Variants in ABCD2 observed in about 807,000 individuals in gnomAD.
ABCD2 encodes ATP binding cassette subfamily D member 2, also known as ATP-binding cassette sub-family D member 2.
A neutral mutation model predicts 70.9 loss-of-function variants in ABCD2; 36 were observed. The observed-to-expected ratio is 0.51, with a 90% CI of 0.39 to 0.67. ABCD2 has a LOEUF of 0.67. ABCD2 is among the 30% of genes least tolerant of loss of function. The probability of loss-of-function intolerance (pLI) is 0.00; values close to 1 mark genes in which losing one functional copy is unlikely to be tolerated. For missense variants in ABCD2, 729 were observed against 890.2 expected, an observed-to-expected ratio of 0.82 and a Z score of 2.30; for synonymous variants, 304 against 306.9, an observed-to-expected ratio of 0.99 and a Z score of 0.10.
chr12:39,608,197 TGAAAA>T (rs1418951215), intron 2 of ABCD2, among the ~76,000 whole-genome samples: 2 of 150,692 alleles, frequency 1.3e-5, no homozygotes, highest in African/African-American at 4.9e-5. Flanking sequence ...AAAAAAGAAA[TGAAAA>T]GAAGAGAGAG....
intron 6 of ABCD2, among the ~76,000 whole-genome samples, chr12:39,589,326 T>C (rs1941710242): frequency 6.6e-6 from 1 of 151,836 alleles, no homozygotes; most frequent in Non-Finnish European, 1.5e-5. Flanking sequence ...CATGTGTATG[T>C]TCATATAAGA....
chr12:39,541,573 T>C, the ABCD2 span, among the ~76,000 whole-genome samples: 1 of 152,188 alleles, frequency 6.6e-6, no homozygotes, highest in African/African-American at 2.4e-5. Context: ...CCAAGAGTTA[T>C]GAAAAGTAAT....
chr12:39,594,380 A>G (rs924172072), intron 6 of ABCD2, among the ~76,000 whole-genome samples: 1 of 152,182 alleles, frequency 6.6e-6, no homozygotes, highest in South Asian at 2.1e-4. Context: ...GCACACACTA[A>G]TTGTTTGACA....
chr12:39,589,036 TC>T (rs1230204346), intron 6 of ABCD2, among the ~76,000 whole-genome samples: 2 of 152,148 alleles, frequency 1.3e-5, no homozygotes, highest in Non-Finnish European at 2.9e-5. Context: ...TAAGAGAATA[TC>T]CCTGTTCTTT....
intron 4 of ABCD2, 58 bp from the exon 5 acceptor site, chr12:39,604,064 C>T (rs1345691235): frequency 1.1e-5 from 13 of 1,235,096 alleles, no homozygotes; most frequent in Middle Eastern, 2.1e-4. Flanking sequence ...GATTAAATAA[C>T]GTAAATTATT....
rs533822990 is a variant in ABCD2 at position 39,563,383 on chromosome 12, C to T, written c.2004-9252G>A. On this transcript the variant is annotated intron_variant, in intron 9 of 9. Coordinates refer to ENST00000308666, the MANE Select transcript of ABCD2 (RefSeq NM_005164.4). Reference sequence around the variant, plus strand: ...GTCCAGCCTGGGTGACAGAGTGAGACCCTGACTCTAAACAAACAAACAAAC... The same window carrying T: ...GTCCAGCCTGGGTGACAGAGTGAGATCCTGACTCTAAACAAACAAACAAAC... Among the ~76,000 whole-genome samples, 99 of 152,132 alleles carry T rather than the reference C, an allele frequency of 6.5e-4. 1 individual carries two copies. The highest frequency in any genetic ancestry group is 2.2e-3 in the African/African-American group (90 of 41,508).
At chr12:39,585,952 AC>A (rs1941659179) in intron 7 of ABCD2, among the ~76,000 whole-genome samples, 199 bp downstream of exon 7, 1 of 152,182 alleles carries the variant, frequency 6.6e-6, no homozygotes, top group African/African-American at 2.4e-5. Context: ...CTTAATAAAA[AC>A]TTAGTGTGTT....
Position 39,619,009 on chromosome 12 carries a change from G to C in ABCD2, c.607C>G (p.Leu203Val), listed in dbSNP as rs1942155147. 4 of 1,614,106 alleles carry C rather than the reference G, an allele frequency of 2.5e-6. No homozygotes were observed. Among genetic ancestry groups the C allele is most frequent in the African/African-American group, 1.3e-5 (1 of 74,930 alleles). The change falls in exon 1 of 10, where the codon CTG (leucine) becomes GTG (valine). Residue 203 changes from leucine to valine, a missense_variant. Physicochemically the swap from Leu to Val is conservative, Grantham distance 32 (BLOSUM62 1). This residue lies in a region of ABCD2 where 245 missense variants were observed against 261.2 expected (regional missense o/e 0.94). Transcript: ENST00000308666. ...YYKVINMDGR[L>V]ANPDQSLTED... ...GTAAGAGATTGGTCAGGGTTTGCCA[G>C]CCTCCCATCCATATTGATCACTTTA...
At chr12:39,582,449 G>A (rs1233823645) in intron 7 of ABCD2, among the ~76,000 whole-genome samples, 1 of 152,116 alleles carries the variant, frequency 6.6e-6, no homozygotes, top group Non-Finnish European at 1.5e-5. Flanking sequence ...TAACAATTAC[G>A]ATTACATTTT....
At chr12:39,605,917 C>T (rs1194696768) in intron 3 of ABCD2, among the ~76,000 whole-genome samples, 2 of 152,136 alleles carry the variant, frequency 1.3e-5, no homozygotes, top group African/African-American at 4.8e-5. Flanking sequence ...TAAAAGCCTT[C>T]TGAAACACAT....
At chr12:39,579,680 A>T (rs1034759797) in intron 7 of ABCD2, 61 bp from the exon 8 acceptor site, 4 of 1,312,102 alleles carry the variant, frequency 3.0e-6, no homozygotes, top group South Asian at 2.6e-5. Context: ...TACTATTTCT[A>T]CCCTAGACAA....
chr12:39,600,848 A>T (rs577287879), intron 5 of ABCD2, 132 bp from the exon 6 acceptor site: 67 of 766,930 alleles, frequency 8.7e-5, no homozygotes, highest in Non-Finnish European at 1.2e-4. Flanking sequence ...TCAAGGAAAA[A>T]TATTTCAGGG....
At chr12:39,562,670 A>C (rs1941278134) in intron 9 of ABCD2, among the ~76,000 whole-genome samples, 1 of 152,174 alleles carries the variant, frequency 6.6e-6, no homozygotes, top group Non-Finnish European at 1.5e-5. Flanking sequence ...ATAACAAATA[A>C]GGAAATGGAA....
At chr12:39,617,223 CTT>C (rs66517223) in intron 1 of ABCD2, 55 bp from the exon 2 acceptor site, 7,901 of 901,348 alleles carry the variant, frequency 8.8e-3, no homozygotes, top group Non-Finnish European at 9.5e-3. Flanking sequence ...ACATATTATT[CTT>C]TTTTTTTTTT....
intron 6 of ABCD2, among the ~76,000 whole-genome samples, chr12:39,588,291 AC>A (rs556012133): frequency 8.6e-5 from 13 of 151,880 alleles, no homozygotes; most frequent in African/African-American, 2.2e-4. Context: ...CTTAATCCAG[AC>A]CCCCCCATAT....
chr12:39,614,858 T>C (rs186945849), intron 2 of ABCD2, among the ~76,000 whole-genome samples: 1 of 152,188 alleles, frequency 6.6e-6, no homozygotes, highest in African/African-American at 2.4e-5. Context: ...TTGAAGAACA[T>C]TCTCAATTAA....
chr12:39,567,925 C>G (rs930467406), intron 9 of ABCD2, among the ~76,000 whole-genome samples: 5 of 152,150 alleles, frequency 3.3e-5, no homozygotes, highest in African/African-American at 1.2e-4. Context: ...GTTGAAAATT[C>G]TTTTCTTTAA....
Position 39,607,583 on chromosome 12 carries a change from T to TA in ABCD2, c.1236+15dup. 1 of 1,530,022 alleles carries TA rather than the reference T, an allele frequency of 6.5e-7. No homozygotes were observed. Among genetic ancestry groups the TA allele is most frequent in the South Asian group, 1.2e-5 (1 of 84,722 alleles). The allele number at this position is 1,530,022 out of a possible 1,614,324, so 94.8% of individuals were successfully genotyped here. A position where few individuals can be genotyped will look rare whatever the true frequency, so the allele number is the denominator to read the frequency against. On this transcript the variant is annotated intron_variant, in intron 3 of 9. Transcript: ENST00000308666. The stretch of plus-strand genomic sequence containing the variant: ...AATTTTATTTTAATTGAATTGACAA[T>TA]AAGAAATGCAAGTACCTCTTTGTAT...
Position 39,607,678 on chromosome 12 carries a change from G to A in ABCD2, c.1157C>T (p.Thr386Ile), listed in dbSNP as rs753027081. Residue 386 changes from threonine (T) to isoleucine (I), a missense_variant, in exon 3 of 10, where the codon ACA (threonine) becomes ATA (isoleucine). Physicochemically the swap from Thr to Ile is moderately conservative, Grantham distance 89. Around this residue, in one of 3 missense-constraint regions of ABCD2, gnomAD observed 195 missense variants for 300.2 expected, o/e 0.65. Coordinates refer to ENST00000308666, the MANE Select transcript of ABCD2 (RefSeq NM_005164.4). ...ATTTCGAGCAGTGGTAAAGGCTTCT[G>A]TCCGTTCACTAACCATAACTTGCTT... ...GQKQVMVSER[T>I]EAFTTARNLL... is the part of the protein sequence containing the mutation. The A allele has an allele frequency of 3.7e-6, 6 of 1,611,278 alleles. No homozygotes were observed. The highest frequency in any genetic ancestry group is 5.1e-6 in the Non-Finnish European group (6 of 1,179,334).
Sources: allele counts gnomAD v4.1 joint callset (sites outside exome capture counted in the v4.1 genomes callset), GRCh38; gene constraint gnomAD v4.1.1; regional missense constraint gnomAD v4.1.1; transcripts MANE v1.5; gene names NCBI Gene and HGNC (gene_info 2026-07-23, HGNC 2026-07-21).